The following TNRC6C variants were observed in gnomAD, a reference collection of about 807,000 sequenced individuals.
TNRC6C encodes trinucleotide repeat-containing gene 6C protein.
A neutral mutation model predicts 153.7 loss-of-function variants in TNRC6C; 20 were observed. The observed-to-expected ratio is 0.13, with a 90% confidence interval of 0.09 to 0.19. The LOEUF (loss-of-function observed/expected upper bound fraction) is 0.19. TNRC6C is among the 10% of genes least tolerant of loss of function. The pLI is 1.00. For missense variants in TNRC6C, 1,987 were observed against 2,172.0 expected (o/e 0.91, Z 1.69); for synonymous variants, 811 against 841.4 (o/e 0.96, Z 0.63).
intron 1 of TNRC6C, among the ~76,000 whole-genome samples, chr17:77,994,555 G>A (rs1368476033): frequency 1.3e-5 from 2 of 152,200 alleles, no homozygotes; most frequent in African/African-American, 4.8e-5. Flanking sequence ...GGGATCATCT[G>A]CAGTCAGTTC....
At chr17:78,035,354 T>C (rs2072158896) in intron 2 of TNRC6C, among the ~76,000 whole-genome samples, 1 of 152,258 alleles carries the variant, frequency 6.6e-6, no homozygotes, top group African/African-American at 2.4e-5. Context: ...CCTGTACTTT[T>C]GACTCATCTT....
chr17:78,075,229 C>T lies in TNRC6C; in HGVS notation c.3011C>T (p.Pro1004Leu), dbSNP rs1338827179. ...GCCGCCAAGCCCCTCGGCTGCCGCCCGCCAATCTCCAAAGAGTCTTCCGTG... is the reference window on the plus strand; with the variant it reads ...GCCGCCAAGCCCCTCGGCTGCCGCCTGCCAATCTCCAAAGAGTCTTCCGTG... The change falls in exon 8 of 20, where the codon CCG becomes CTG. Residue 1004 changes from proline to leucine, a missense_variant. Pro to Leu is a moderately conservative substitution (Grantham distance 98). Coordinates refer to ENST00000301624, the Ensembl canonical transcript of TNRC6C. This position sits in a 1 kb window ranked among gnomAD's most constrained non-coding sequence, Gnocchi z 4.2. The T allele has an allele frequency of 6.2e-6, 10 of 1,603,232 alleles. No individual in the cohort carries two copies. The highest frequency in any genetic ancestry group is 1.6e-4 in the Middle Eastern group (1 of 6,066).
At chr17:78,010,418 G>A (rs2071606132) in intron 1 of TNRC6C, among the ~76,000 whole-genome samples, 1 of 152,084 alleles carries the variant, frequency 6.6e-6, no homozygotes, top group Non-Finnish European at 1.5e-5. Flanking sequence ...AACATATAAA[G>A]TTTAATATCA....
chr17:77,997,890 G>A (rs976774998), intron 1 of TNRC6C, among the ~76,000 whole-genome samples: 4 of 152,002 alleles, frequency 2.6e-5, no homozygotes, highest in East Asian at 3.9e-4. Flanking sequence ...TCCTGACCTC[G>A]TGATCCACCC....
In TNRC6C at chr17:78,034,109, G is replaced by A. The variant is rs552645383; in HGVS notation, c.-219+2267G>A. ...TCTCTTGTTGCCCAGGCTGAAATGCGATGGCACAGTTTTGGCTCACCACAA... is the reference window on the plus strand; with the variant it reads ...TCTCTTGTTGCCCAGGCTGAAATGCAATGGCACAGTTTTGGCTCACCACAA... On this transcript the variant is annotated intron_variant, in intron 2 of 19. Transcript: ENST00000301624. Among the ~76,000 whole-genome samples, 6 of 151,856 alleles carry A rather than the reference G, an allele frequency of 4.0e-5. No individual in the cohort carries two copies. In the East Asian group the frequency reaches 7.8e-4, roughly 20 times the overall value.
At chr17:78,043,200 A>G (rs2072335563) in intron 2 of TNRC6C, among the ~76,000 whole-genome samples, 1 of 152,218 alleles carries the variant, frequency 6.6e-6, no homozygotes, top group Admixed American at 6.5e-5. Context: ...CAGCAGCTGC[A>G]GCCTGAAACT....
chr17:78,051,299 A>G (rs558591330), exon 3 of TNRC6C: 58 of 1,551,980 alleles, frequency 3.7e-5, no homozygotes, highest in South Asian at 3.6e-5. Flanking sequence ...AACATGTGGG[A>G]TAGAAACAAC....
intron 2 of TNRC6C, among the ~76,000 whole-genome samples, chr17:78,038,203 G>T (rs1195793151): frequency 6.6e-6 from 1 of 152,174 alleles, no homozygotes; most frequent in African/African-American, 2.4e-5. Context: ...TTTTGTACAT[G>T]AATATGAATA....
chr17:77,977,891 C>CTTT (rs528315933), intron 1 of TNRC6C, among the ~76,000 whole-genome samples: 1,225 of 114,100 alleles, frequency 0.011, 45 homozygotes, highest in African/African-American at 0.032. Context: ...TTTAAAACCT[C>CTTT]TTTTTTTTTT....
At chr17:78,009,520 C>T (rs1275860626) in intron 1 of TNRC6C, among the ~76,000 whole-genome samples, 1 of 152,048 alleles carries the variant, frequency 6.6e-6, no homozygotes, top group African/African-American at 2.4e-5. Context: ...ACCTTCATGA[C>T]CCATTATGGT....
chr17:78,104,828 A>T lies in TNRC6C; in HGVS notation c.5056A>T (p.Ser1686Cys). The T allele has an allele frequency of 7.0e-7, 1 of 1,437,304 alleles. No individual in the cohort carries two copies. The highest frequency in any genetic ancestry group is 2.7e-5 in the Admixed American group (1 of 36,606). The allele number at this position is 1,437,304 out of a possible 1,614,324, so 89.0% of individuals were successfully genotyped here. A position where few individuals can be genotyped will look rare whatever the true frequency, so the allele number is the denominator to read the frequency against. The stretch of plus-strand genomic sequence containing the variant: ...CACCCTGCTGCCTGGGGACCTGCTC[A>T]GCGGGGAGTCCCTGTAGGCTCTGCC... The change falls in exon 20 of 20, where the codon AGC becomes TGC. Residue 1686 changes from serine to cysteine, a missense_variant. Physicochemically the swap from Ser to Cys is moderately radical, Grantham distance 112. This residue lies in a region of TNRC6C where 139 missense variants were observed against 148.5 expected (regional missense o/e 0.94). Coordinates refer to ENST00000301624, the Ensembl canonical transcript of TNRC6C. The surrounding 1 kb of genome is among the most constrained non-coding windows in gnomAD (Gnocchi z 6.2).
chr17:78,092,192 A>G (rs1265257229), intron 14 of TNRC6C, among the ~76,000 whole-genome samples: 1 of 152,212 alleles, frequency 6.6e-6, no homozygotes, highest in Non-Finnish European at 1.5e-5. Flanking sequence ...CAGCAAAGGA[A>G]ATTCAGTAGG....
chr17:77,989,281 C>T (rs536903712), intron 1 of TNRC6C, among the ~76,000 whole-genome samples: 46 of 152,304 alleles, frequency 3.0e-4, no homozygotes, highest in African/African-American at 1.0e-3. Flanking sequence ...GCAAGTAAGA[C>T]TATTAGTACA....
In TNRC6C at chr17:78,026,373, AAAG is replaced by A. The variant is rs1376927871; in HGVS notation, c.-545-5140_-545-5138del. 3.3e-5 allele frequency among the ~76,000 whole-genome samples: 5 copies of A among 152,354 alleles called. No individual in the cohort carries two copies. The East Asian group carries it at 9.6e-4, about 29-fold the overall frequency. ...GGAGGTGACATTTAGTCTGATATTT[AAAG>A]AATAGCTGGGAATTACCATGTTTTT... On this transcript the variant is annotated intron_variant, in intron 1 of 19. Coordinates refer to ENST00000301624, the Ensembl canonical transcript of TNRC6C.
intron 1 of TNRC6C, among the ~76,000 whole-genome samples, chr17:77,993,150 C>T (rs1024267844): frequency 3.9e-5 from 6 of 152,036 alleles, no homozygotes; most frequent in African/African-American, 7.3e-5. Context: ...TTAGTAGAGA[C>T]GGGGTTTTAC....
At chr17:78,107,263 G>A (rs1246888317) in exon 20 of TNRC6C, 1 of 151,598 alleles carries the variant, frequency 6.6e-6, no homozygotes, top group Non-Finnish European at 1.5e-5. Flanking sequence ...GGGGTTTTTT[G>A]TTTGTTTGTT....
upstream of TNRC6C, among the ~76,000 whole-genome samples, chr17:77,958,948 ACCG>A (rs1243135036): frequency 2.1e-5 from 3 of 141,030 alleles, no homozygotes; most frequent in African/African-American, 2.6e-5. Context: ...CGCAGCTGCC[ACCG>A]CCGCCGCCGC....
exon 3 of TNRC6C, chr17:78,050,613 G>A (rs566391812): frequency 1.3e-6 from 2 of 1,579,716 alleles, no homozygotes; most frequent in African/African-American, 2.7e-5. Context: ...CTGCCGCTGT[G>A]CCAGCAAACA....
intron 1 of TNRC6C, among the ~76,000 whole-genome samples, chr17:78,018,746 C>A (rs2071777904): frequency 6.6e-6 from 1 of 152,094 alleles, no homozygotes. Flanking sequence ...CTTGATACAG[C>A]CCCAGCCTAG....
Sources: gnomAD v4.1 joint callset for allele counts (sites outside exome capture counted in the v4.1 genomes callset) on GRCh38, gnomAD v4.1.1 for gene constraint, gnomAD v4.1.1 regional missense constraint, Gnocchi (gnomAD v3.1) non-coding constraint, MANE v1.5 for transcripts, NCBI Gene and HGNC (gene_info 2026-07-23, HGNC 2026-07-21) for gene names.